HINT1: variants seen among roughly 807,000 people sequenced by gnomAD.
HINT1 encodes histidine triad nucleotide binding protein 1.
A neutral mutation model predicts 11.2 loss-of-function variants in HINT1; 12 were observed. The ratio of observed to expected loss-of-function variants is 1.07; its 90% CI spans 0.69 to 1.74. The LOEUF (loss-of-function observed/expected upper bound fraction) is 1.74. HINT1 is among the 40% of genes most tolerant of loss of function. HINT1 has a pLI of 0.00. For missense variants in HINT1, 150 were observed against 161.8 expected, an observed-to-expected ratio of 0.93 and a Z score of 0.40; for synonymous variants, 42 against 52.6, an observed-to-expected ratio of 0.80 and a Z score of 0.87.
rs1212252749 is a variant in HINT1 at position 131,165,219 on chromosome 5, C to T, written c.-14G>A. 1.2e-6 allele frequency: 2 copies of T among 1,602,736 alleles called. No homozygotes were observed. Among genetic ancestry groups the T allele is most frequent in the African/African-American group, 2.7e-5 (2 of 75,012 alleles). On this transcript the variant is annotated 5_prime_UTR_variant, in exon 1 of 3. Coordinates refer to ENST00000304043, the MANE Select transcript of HINT1 (RefSeq NM_005340.7). ...CTCATCTGCCATCTCGGCCTCTCTCCCGCGCGGCGGCCAGAGGAGAGGCTC... is the reference window on the plus strand; with the variant it reads ...CTCATCTGCCATCTCGGCCTCTCTCTCGCGCGGCGGCCAGAGGAGAGGCTC...
chr5:131,163,886 T>A (rs1755320481), intron 1 of HINT1, among the ~76,000 whole-genome samples: 1 of 152,218 alleles, frequency 6.6e-6, no homozygotes, highest in South Asian at 2.1e-4. Flanking sequence ...GGGTACTCCC[T>A]ACAAAATGCT....
intron 2 of HINT1, chr5:131,162,242 GA>G: frequency 1.7e-6 from 1 of 595,172 alleles, no homozygotes; most frequent in South Asian, 2.1e-5. Context: ...AGAATGGTGT[GA>G]ACCAGGGAGG....
rs373849532 is a variant in HINT1, at chr5:131,159,494, G to T, written c.334C>A (p.His112Asn). ...TGCCGACCTCCAAGAACATGGAGAT[G>T]AACGTGATAGACAGACTGTCCACCA... ...SDGGQSVYHV[H>N]LHVLGGRQMH... Residue 112 changes from histidine (H) to asparagine (N), a missense_variant, in exon 3 of 3, where the codon CAT (histidine) becomes AAT (asparagine). By Grantham distance (68) the His-to-Asn change is moderately conservative. Coordinates refer to ENST00000304043, the MANE Select transcript of HINT1 (RefSeq NM_005340.7). 2.1e-5 allele frequency: 34 copies of T among 1,613,272 alleles called. No homozygotes were observed. The highest frequency in any genetic ancestry group is 2.5e-5 in the Non-Finnish European group (30 of 1,179,932).
intron 1 of HINT1, among the ~76,000 whole-genome samples, chr5:131,164,223 G>A (rs1755331688): frequency 6.6e-6 from 1 of 152,100 alleles, no homozygotes; most frequent in Non-Finnish European, 1.5e-5. Context: ...CTTTATCTGA[G>A]ATCCAATCCC....
chr5:131,165,133 T>G lies in HINT1; in HGVS notation c.73A>C (p.Lys25Gln), dbSNP rs747865723. Residue 25 changes from lysine to glutamine, a missense_variant, in exon 1 of 3, where the codon AAG becomes CAG. Lys to Gln is a moderately conservative substitution (Grantham distance 53). Coordinates refer to ENST00000304043, the MANE Select transcript of HINT1 (RefSeq NM_005340.7). The part of the protein sequence containing the change: ...GDTIFGKIIR[K>Q]EIPAKIIFED... ...AAAATGATTTTGGCTGGTATTTCCT[T>G]GCGGATGATCTTCCCAAAGATCGTG... 5.6e-6 allele frequency: 9 copies of G among 1,613,162 alleles called. No homozygotes were observed. The African/African-American group carries it at 1.2e-4, about 22-fold the overall frequency.
At chr5:131,162,197 G>A (rs187508526) in intron 2 of HINT1, 33 of 519,620 alleles carry the variant, frequency 6.4e-5, no homozygotes, top group Admixed American at 6.0e-4. Context: ...GGTGGCGGGC[G>A]CCTGTTGTCC....
chr5:131,162,924 G>A (rs753978222), intron 1 of HINT1, among the ~76,000 whole-genome samples: 4 of 151,716 alleles, frequency 2.6e-5, no homozygotes, highest in Non-Finnish European at 4.4e-5. Flanking sequence ...TGCAACCTCC[G>A]CCTCCTGGGT....
Position 131,161,655 on chromosome 5 carries a change from C to T in HINT1, c.216+917G>A, listed in dbSNP as rs557162059. 4.6e-5 allele frequency among the ~76,000 whole-genome samples: 7 copies of T among 151,602 alleles called. No homozygotes were observed. In the South Asian group the frequency reaches 1.3e-3, roughly 27 times the overall value. On this transcript the variant is annotated intron_variant, in intron 2 of 2. Transcript: ENST00000304043. ...GGGTTTAATGTTATTGCATATAAGA[C>T]GGTATTTTACCATTAAGTACTCGCT...
chr5:131,160,138 G>C (rs556228474), intron 2 of HINT1, among the ~76,000 whole-genome samples: 1 of 151,936 alleles, frequency 6.6e-6, no homozygotes, highest in South Asian at 2.1e-4. Context: ...CAGGCACAAG[G>C]CACTATGCCC....
At chr5:131,165,030 G>C in intron 1 of HINT1, 65 bp downstream of exon 1, 1 of 1,606,028 alleles carries the variant, frequency 6.2e-7, no homozygotes, top group Non-Finnish European at 8.5e-7. Flanking sequence ...CCCTCCGCGA[G>C]AAACCCGAGG....
At chr5:131,164,415 G>C (rs1221788329) in intron 1 of HINT1, among the ~76,000 whole-genome samples, 1 of 152,224 alleles carries the variant, frequency 6.6e-6, no homozygotes, top group Non-Finnish European at 1.5e-5. Flanking sequence ...AGCGGGAGAG[G>C]TCAACGGAAA....
chr5:131,162,573 C>T lies in HINT1; in HGVS notation c.215G>A (p.Ser72Asn), dbSNP rs1443467793. 9.3e-6 allele frequency: 15 copies of T among 1,608,258 alleles called. No homozygotes were observed. Among genetic ancestry groups the T allele is most frequent in the Non-Finnish European group, 1.3e-5 (15 of 1,174,856 alleles). ...AAATCATGTTAGAAATGTACTTACACTTTCATCATCATCTTCTGCCACAGA... is the reference window on the plus strand; with the variant it reads ...AAATCATGTTAGAAATGTACTTACATTTTCATCATCATCTTCTGCCACAGA... Reference protein sequence around the residue: ...QISVAEDDDESLLGHLMIVGK... With the variant: ...QISVAEDDDENLLGHLMIVGK... The change falls in exon 2 of 3, where the codon AGT (serine) becomes AAT (asparagine). Residue 72 changes from serine (S) to asparagine (N), a missense_variant and splice_region_variant. Ser to Asn is a conservative substitution (Grantham distance 46). Coordinates refer to ENST00000304043, the MANE Select transcript of HINT1 (RefSeq NM_005340.7).
chr5:131,162,362 G>C, intron 2 of HINT1: 1 of 936,234 alleles, frequency 1.1e-6, no homozygotes. Context: ...ATAAGGATAC[G>C]GAGAAGCTGG....
Position 131,159,064 on chromosome 5 carries a change from A to G in HINT1, c.*383T>C, listed in dbSNP as rs1188019306. The G allele has an allele frequency of 3.2e-5, 5 of 156,526 alleles. No individual in the cohort carries two copies. The highest frequency in any genetic ancestry group is 1.2e-4 in the African/African-American group (5 of 41,580). The allele number at this position is 156,526 out of a possible 1,614,324, so 9.7% of individuals were successfully genotyped here. ...GAATTAGCTTAAAAATCTAAGTTGG[A>G]CCTATTTTAGCCTGGAAAGATATTT... is the stretch of plus-strand genomic sequence containing the variant. On this transcript the variant is annotated 3_prime_UTR_variant, in exon 3 of 3. Coordinates refer to ENST00000304043, the MANE Select transcript of HINT1 (RefSeq NM_005340.7).
intron 2 of HINT1, chr5:131,160,794 T>G: frequency 1.9e-6 from 1 of 517,780 alleles, no homozygotes; most frequent in South Asian, 1.5e-5. Flanking sequence ...CTGATCCTTT[T>G]CCAGACTGGT....
At position 131,159,414 on chromosome 5, in the gene HINT1, C is replaced by CCT; in HGVS notation, c.*31_*32dup. 6.3e-7 allele frequency: 1 copy of CCT among 1,599,784 alleles called. No homozygotes were observed. The highest frequency in any genetic ancestry group is 8.5e-7 in the Non-Finnish European group (1 of 1,172,074). The stretch of plus-strand genomic sequence containing the variant: ...TGGAAATTGCCTAACTTAATCATTG[C>CCT]CTAAAGAAGAGAAAATTATCCCCAA... On this transcript the variant is annotated 3_prime_UTR_variant, in exon 3 of 3. Transcript: ENST00000304043.
rs1027021966 is a variant in HINT1 at position 131,162,376 on chromosome 5, G to A, written c.216+196C>T. 63 of 1,011,082 alleles carry A rather than the reference G, an allele frequency of 6.2e-5. No homozygotes were observed. The African/African-American group carries it at 6.4e-4, about 10-fold the overall frequency. 62.6% of individuals were successfully genotyped at this position (1,011,082 alleles called of 1,614,324 possible). A position where few individuals can be genotyped will look rare whatever the true frequency, so the allele number is the denominator to read the frequency against. The stretch of plus-strand genomic sequence containing the variant: ...GATAAGGATACGGAGAAGCTGGAAC[G>A]CTCATTCATTGCTGGTGGGATACAA... On this transcript the variant is annotated intron_variant, in intron 2 of 2. Coordinates refer to ENST00000304043, the MANE Select transcript of HINT1 (RefSeq NM_005340.7).
At chr5:131,162,397 T>C in intron 2 of HINT1, 175 bp downstream of exon 2, 1 of 1,299,500 alleles carries the variant, frequency 7.7e-7, no homozygotes, top group Non-Finnish European at 1.1e-6. Context: ...GCTGGTGGGA[T>C]ACAAAATGAT....
chr5:131,162,269 G>A (rs1426483890), intron 2 of HINT1: 1 of 614,444 alleles, frequency 1.6e-6, no homozygotes, highest in South Asian at 2.0e-5. Flanking sequence ...CTTGCAGTGA[G>A]CCGAGTGCCA....
Sources: allele counts gnomAD v4.1 joint callset (sites outside exome capture counted in the v4.1 genomes callset), GRCh38; gene constraint gnomAD v4.1.1; transcripts MANE v1.5; gene names NCBI Gene and HGNC (gene_info 2026-07-23, HGNC 2026-07-21).